The following CPQ variants were observed in gnomAD, a reference collection of about 807,000 sequenced individuals.
CPQ encodes the protein carboxypeptidase Q.
In CPQ, 37 loss-of-function variants were observed where a neutral mutation model predicts 45.7. The observed-to-expected ratio is 0.81, with a 90% confidence interval of 0.62 to 1.07. The LOEUF is 1.07. Among genes scored for constraint, CPQ ranks in the 50% least tolerant of loss-of-function variants. The probability of loss-of-function intolerance (pLI) is 0.00; values close to 1 mark genes in which losing one functional copy is unlikely to be tolerated. For missense variants in CPQ, 537 were observed against 572.9 expected, an observed-to-expected ratio of 0.94 and a Z score of 0.64; for synonymous variants, 186 against 205.8, an observed-to-expected ratio of 0.90 and a Z score of 0.82.
At chr8:96,801,611 C>T (rs992286588) in intron 2 of CPQ, among the ~76,000 whole-genome samples, 1 of 152,138 alleles carries the variant, frequency 6.6e-6, no homozygotes, top group Admixed American at 6.5e-5. Flanking sequence ...TATATAGTCC[C>T]TAGCATGGTG....
chr8:97,121,704 A>G (rs1164363754), intron 7 of CPQ, among the ~76,000 whole-genome samples: 1 of 152,172 alleles, frequency 6.6e-6, no homozygotes, highest in Non-Finnish European at 1.5e-5. Context: ...CCTAGAAATG[A>G]TAGTGATGAT....
chr8:96,908,926 A>C (rs1337778420), intron 4 of CPQ, among the ~76,000 whole-genome samples: 2 of 152,088 alleles, frequency 1.3e-5, no homozygotes, highest in Non-Finnish European at 2.9e-5. Flanking sequence ...CCATCACCCA[A>C]GTGTGATTTT....
rs1810734819 is a variant in CPQ at position 97,071,113 on chromosome 8, G to GTTGT, written c.1255+4906_1255+4909dup. 2.0e-5 allele frequency among the ~76,000 whole-genome samples: 3 copies of GTTGT among 152,138 alleles called. No individual in the cohort carries two copies. The South Asian group carries it at 6.2e-4, about 32-fold the overall frequency. On this transcript the variant is annotated intron_variant, in intron 7 of 7. Coordinates refer to ENST00000220763, the MANE Select transcript of CPQ (RefSeq NM_016134.4). Reference sequence around the variant, plus strand: ...ATCTGAAATTCAACTTTTTGTTGTTGTTGTTTTTAGTGTGGTGGCTTGTGG... The same window carrying GTTGT: ...ATCTGAAATTCAACTTTTTGTTGTTGTTGTTTGTTTTTAGTGTGGTGGCTTGTGG...
chr8:96,700,027 A>G (rs567698800), intron 1 of CPQ, among the ~76,000 whole-genome samples: 6 of 152,264 alleles, frequency 3.9e-5, no homozygotes, highest in African/African-American at 1.4e-4. Context: ...CTACTAGACA[A>G]GAGCCTGGGA....
At chr8:97,077,461 A>G (rs966348074) in intron 7 of CPQ, among the ~76,000 whole-genome samples, 7 of 152,212 alleles carry the variant, frequency 4.6e-5, no homozygotes, top group Admixed American at 3.9e-4. Context: ...AGTATGTACT[A>G]CAGATAATGT....
At chr8:96,967,695 A>C (rs561785747) in intron 5 of CPQ, among the ~76,000 whole-genome samples, 1 of 152,332 alleles carries the variant, frequency 6.6e-6, no homozygotes, top group African/African-American at 2.4e-5. Flanking sequence ...AAAGATATGA[A>C]TAGAACTCTA....
In CPQ at chr8:96,965,998, G is replaced by A. The variant is rs373415893; in HGVS notation, c.913G>A (p.Gly305Ser). 1.3e-4 allele frequency: 212 copies of A among 1,613,998 alleles called. No homozygotes were observed. Among genetic ancestry groups the A allele is most frequent in the Non-Finnish European group, 1.7e-4 (195 of 1,179,932 alleles). Reference sequence around the variant, plus strand: ...TGGGCAGGGTGCCATGGATGATGGCGGTGGAGCCTTTATATCATGGGAAGC... The same window carrying A: ...TGGGCAGGGTGCCATGGATGATGGCAGTGGAGCCTTTATATCATGGGAAGC... The part of the protein sequence containing the change: ...DVGQGAMDDG[G>S]GAFISWEALS... The change falls in exon 5 of 8, where the codon GGT becomes AGT. Residue 305 changes from glycine to serine, a missense_variant. Gly to Ser is a moderately conservative substitution (Grantham distance 56). Transcript: ENST00000220763.
intron 7 of CPQ, among the ~76,000 whole-genome samples, chr8:97,119,312 G>A (rs895248809): frequency 1.5e-5 from 2 of 129,392 alleles, no homozygotes; most frequent in African/African-American, 3.1e-5. Context: ...CTGGACGACA[G>A]AGTGAGACTC....
In CPQ at chr8:96,805,173, C is replaced by G. The variant is rs111261042; in HGVS notation, c.433+19843C>G. Reference sequence around the variant, plus strand: ...TGCTTAGAATGTAATATATGTAGAACTTTGAAAAATAAAGAAAAGCACAAT... The same window carrying G: ...TGCTTAGAATGTAATATATGTAGAAGTTTGAAAAATAAAGAAAAGCACAAT... On this transcript the variant is annotated intron_variant, in intron 2 of 7. Transcript: ENST00000220763. 9.6e-3 allele frequency among the ~76,000 whole-genome samples: 1,468 copies of G among 152,168 alleles called. 24 individuals are homozygous for G. Among genetic ancestry groups the G allele is most frequent in the African/African-American group, 0.029 (1,192 of 41,514 alleles).
chr8:96,883,841 C>T (rs1812263220), intron 4 of CPQ, among the ~76,000 whole-genome samples: 1 of 152,222 alleles, frequency 6.6e-6, no homozygotes, highest in African/African-American at 2.4e-5. Context: ...AGAGCAGGCA[C>T]TCTGTTCACT....
At chr8:97,058,678 T>A (rs1464974552) in intron 6 of CPQ, among the ~76,000 whole-genome samples, 1 of 152,140 alleles carries the variant, frequency 6.6e-6, no homozygotes, top group Non-Finnish European at 1.5e-5. Context: ...CCCAGCTATG[T>A]TGGCACTTTC....
At chr8:96,927,010 G>T (rs1015185782) in intron 4 of CPQ, among the ~76,000 whole-genome samples, 2 of 152,190 alleles carry the variant, frequency 1.3e-5, no homozygotes, top group South Asian at 4.1e-4. Context: ...AGAGAAAATG[G>T]GCGTAAGCTG....
chr8:96,690,004 G>C (rs1222180431), intron 1 of CPQ, among the ~76,000 whole-genome samples: 1 of 151,978 alleles, frequency 6.6e-6, no homozygotes, highest in Non-Finnish European at 1.5e-5. Context: ...TTCTCTGATG[G>C]TTTTATTTTT....
rs1366218691 is a variant in CPQ, at chr8:96,971,648, C to CATCT, written c.961+5603_961+5606dup. On this transcript the variant is annotated intron_variant, in intron 5 of 7. Coordinates refer to ENST00000220763, the MANE Select transcript of CPQ (RefSeq NM_016134.4). ...TCCTCAATATGTTTAGTGAATAATACATCTGCTTGTGAAGCTGTCCAGTCT... is the reference window on the plus strand; with the variant it reads ...TCCTCAATATGTTTAGTGAATAATACATCTATCTGCTTGTGAAGCTGTCCAGTCT... Among the ~76,000 whole-genome samples, 4 of 152,304 alleles carry CATCT rather than the reference C, an allele frequency of 2.6e-5. No individual in the cohort carries two copies. In the East Asian group the frequency reaches 5.8e-4, roughly 22 times the overall value.
chr8:96,878,658 C>G (rs1731225924), intron 3 of CPQ, among the ~76,000 whole-genome samples: 1 of 152,148 alleles, frequency 6.6e-6, no homozygotes, highest in South Asian at 2.1e-4. Context: ...ACAATACAGT[C>G]ACACCAAGAA....
intron 4 of CPQ, among the ~76,000 whole-genome samples, chr8:96,915,158 T>C (rs937430598): frequency 6.6e-6 from 1 of 152,168 alleles, no homozygotes; most frequent in African/African-American, 2.4e-5. Flanking sequence ...CAATGATAAC[T>C]GATTCCTACA....
At position 96,785,140 on chromosome 8, in the gene CPQ, C is replaced by T. The variant is rs1283454358; in HGVS notation, c.243C>T (p.Ser81=). ...CTGTTGGACCCAGACTGAGTGGCTC[C>T]AAGAACCTAGAAAAAGCCATCCAAA... is the stretch of plus-strand genomic sequence containing the variant. ...VDTVGPRLSG[S]KNLEKAIQIM... Residue 81 remains serine, a synonymous_variant, in exon 2 of 8, where the codon TCC becomes TCT. Transcript: ENST00000220763. 6.2e-7 allele frequency: 1 copy of T among 1,613,508 alleles called. No individual in the cohort carries two copies. The highest frequency in any genetic ancestry group is 1.3e-5 in the African/African-American group (1 of 74,878).
At chr8:96,773,268 A>G (rs1172490329) in intron 1 of CPQ, among the ~76,000 whole-genome samples, 2 of 152,214 alleles carry the variant, frequency 1.3e-5, no homozygotes, top group African/African-American at 4.8e-5. Context: ...AAGACAAATA[A>G]ACAATTAGTT....
chr8:96,740,412 G>A (rs1045325490), intron 1 of CPQ, among the ~76,000 whole-genome samples: 8 of 151,884 alleles, frequency 5.3e-5, no homozygotes, highest in African/African-American at 1.9e-4. Flanking sequence ...CTGCAAACAG[G>A]GACAATTTGA....
Sources: gnomAD v4.1 joint callset for allele counts (sites outside exome capture counted in the v4.1 genomes callset) on GRCh38, gnomAD v4.1.1 for gene constraint, MANE v1.5 for transcripts, NCBI Gene and HGNC (gene_info 2026-07-23, HGNC 2026-07-21) for gene names.